Variants in TRPC4 observed in about 807,000 individuals in gnomAD.
TRPC4 encodes the protein transient receptor potential cation channel subfamily C member 4, also known as short transient receptor potential channel 4.
In TRPC4, 49 loss-of-function variants were observed where a neutral mutation model predicts 99.4. The observed-to-expected ratio is 0.49, with a 90% CI of 0.39 to 0.63. TRPC4 has a LOEUF of 0.63. Among genes scored for constraint, TRPC4 ranks in the 20% least tolerant of loss-of-function variants. The probability of loss-of-function intolerance (pLI) is 0.00; values close to 1 mark genes in which losing one functional copy is unlikely to be tolerated. For synonymous variants in TRPC4, 454 were observed against 425.9 expected, an observed-to-expected ratio of 1.07 and a Z score of -0.81; for missense variants, 898 against 1,152.9, an observed-to-expected ratio of 0.78 and a Z score of 3.20.
intron 3 of TRPC4, among the ~76,000 whole-genome samples, chr13:37,695,903 G>T (rs189307514): frequency 2.0e-5 from 3 of 152,040 alleles, no homozygotes; most frequent in African/African-American, 7.2e-5. Context: ...ACAAAGAAAA[G>T]AATTACAAAA....
At chr13:37,714,049 T>C (rs1455051716) in intron 3 of TRPC4, among the ~76,000 whole-genome samples, 1 of 151,834 alleles carries the variant, frequency 6.6e-6, no homozygotes, top group Non-Finnish European at 1.5e-5. Flanking sequence ...CCTTCCTTCC[T>C]TCCCTCCTTC....
intron 5 of TRPC4, among the ~76,000 whole-genome samples, chr13:37,664,442 C>T (rs897752956): frequency 3.3e-5 from 5 of 151,920 alleles, no homozygotes; most frequent in South Asian, 2.1e-4. Context: ...GGTGTGGTGG[C>T]GGGCACCTGT....
chr13:37,862,181 A>G (rs1959387119), intron 1 of TRPC4, among the ~76,000 whole-genome samples: 1 of 151,370 alleles, frequency 6.6e-6, no homozygotes, highest in Non-Finnish European at 1.5e-5. Flanking sequence ...TACTGTCTCT[A>G]GAGAAAGGGG....
chr13:37,800,468 A>T (rs1215747024), intron 1 of TRPC4, among the ~76,000 whole-genome samples: 6 of 152,206 alleles, frequency 3.9e-5, no homozygotes, highest in East Asian at 3.9e-4. Context: ...CATAGTTTAC[A>T]AGAGGACTAA....
At chr13:37,837,127 T>G (rs1555281334) in intron 1 of TRPC4, among the ~76,000 whole-genome samples, 1 of 152,194 alleles carries the variant, frequency 6.6e-6, no homozygotes, top group Non-Finnish European at 1.5e-5. Flanking sequence ...CACCTAGATT[T>G]CAGAAGATGT....
intron 3 of TRPC4, among the ~76,000 whole-genome samples, chr13:37,732,490 T>C (rs1442508524): frequency 2.6e-5 from 4 of 151,590 alleles, no homozygotes; most frequent in African/African-American, 9.7e-5. Flanking sequence ...AAGAAAAAAA[T>C]AAAAAGTATC....
chr13:37,750,639 T>C (rs984266007), intron 2 of TRPC4, among the ~76,000 whole-genome samples: 3 of 152,126 alleles, frequency 2.0e-5, no homozygotes, highest in African/African-American at 4.8e-5. Context: ...GTTTTTACTT[T>C]GGCAATTTTT....
intron 1 of TRPC4, among the ~76,000 whole-genome samples, chr13:37,795,583 T>A (rs1422065451): frequency 6.6e-6 from 1 of 152,158 alleles, no homozygotes; most frequent in Non-Finnish European, 1.5e-5. Flanking sequence ...TCCCAATGAC[T>A]ATACAGAAGC....
chr13:37,758,828 C>A (rs979175818), intron 2 of TRPC4, among the ~76,000 whole-genome samples: 1 of 151,180 alleles, frequency 6.6e-6, no homozygotes, highest in East Asian at 1.9e-4. Flanking sequence ...AAAAATAAAA[C>A]CTTATAGGGC....
At chr13:37,709,644 T>C (rs778756357) in intron 3 of TRPC4, among the ~76,000 whole-genome samples, 57 of 152,002 alleles carry the variant, frequency 3.7e-4, no homozygotes, top group Non-Finnish European at 6.5e-4. Flanking sequence ...GTCCAGTGGC[T>C]CTCATTCTGA....
chr13:37,848,540 G>C (rs1958970082), intron 1 of TRPC4, among the ~76,000 whole-genome samples: 1 of 152,130 alleles, frequency 6.6e-6, no homozygotes, highest in South Asian at 2.1e-4. Context: ...GGAAAATCAA[G>C]TTGCAGACAG....
intron 1 of TRPC4, among the ~76,000 whole-genome samples, chr13:37,814,989 A>T (rs929473076): frequency 2.0e-5 from 3 of 151,842 alleles, no homozygotes; most frequent in Admixed American, 2.0e-4. Context: ...CATAAAGGTC[A>T]ATAAAATTGA....
chr13:37,739,513 T>C (rs1184384269), intron 3 of TRPC4, among the ~76,000 whole-genome samples: 1 of 151,312 alleles, frequency 6.6e-6, no homozygotes, highest in East Asian at 1.9e-4. Flanking sequence ...GATTTTTTTT[T>C]TTTTTTTTTT....
intron 4 of TRPC4, among the ~76,000 whole-genome samples, chr13:37,683,560 C>G: frequency 6.6e-6 from 1 of 152,186 alleles, no homozygotes; most frequent in South Asian, 2.1e-4. Context: ...TGTGGAGGCA[C>G]AACAGGGCTC....
intron 3 of TRPC4, among the ~76,000 whole-genome samples, chr13:37,730,687 C>T (rs1360601448): frequency 6.6e-6 from 1 of 151,720 alleles, no homozygotes; most frequent in Non-Finnish European, 1.5e-5. Flanking sequence ...ACAAGGTCTC[C>T]AAGATATTAA....
At chr13:37,737,147 A>G (rs1051829948) in intron 3 of TRPC4, among the ~76,000 whole-genome samples, 2 of 151,948 alleles carry the variant, frequency 1.3e-5, no homozygotes, top group Admixed American at 6.6e-5. Flanking sequence ...TTTCTGCTGC[A>G]TAGTATATAG....
chr13:37,762,925 A>C (rs567875589), intron 2 of TRPC4, among the ~76,000 whole-genome samples: 1 of 151,750 alleles, frequency 6.6e-6, no homozygotes, highest in Admixed American at 6.6e-5. Context: ...AAGGGGTTAT[A>C]AAGGATTTGT....
In TRPC4 at chr13:37,635,700, G is replaced by T. The variant is rs1014486736; in HGVS notation, c.*1203C>A. Among the ~76,000 whole-genome samples, 1 of 152,070 alleles carries T rather than the reference G, an allele frequency of 6.6e-6. No homozygotes were observed. The highest frequency in any genetic ancestry group is 1.5e-5 in the Non-Finnish European group (1 of 67,986). On this transcript the variant is annotated 3_prime_UTR_variant, in exon 11 of 11. Coordinates refer to ENST00000379705, the MANE Select transcript of TRPC4 (RefSeq NM_016179.4). The stretch of plus-strand genomic sequence containing the variant: ...GTAAAATTTAAGCTTTAAGTTTCTA[G>T]TATCAATTTTATGTAAGTTGCGAAC...
At chr13:37,848,527 G>A (rs892994915) in intron 1 of TRPC4, among the ~76,000 whole-genome samples, 3 of 152,114 alleles carry the variant, frequency 2.0e-5, no homozygotes, top group Non-Finnish European at 4.4e-5. Flanking sequence ...CACATAGATA[G>A]AGGGAAAATC....
Sources: gnomAD v4.1 joint callset for allele counts (sites outside exome capture counted in the v4.1 genomes callset) on GRCh38, gnomAD v4.1.1 for gene constraint, MANE v1.5 for transcripts, NCBI Gene and HGNC (gene_info 2026-07-23, HGNC 2026-07-21) for gene names.